The following TMEM230 variants were observed in gnomAD, a reference collection of about 807,000 sequenced individuals.
The protein encoded by TMEM230 is UPF0414 transmembrane protein C20orf30.
TMEM230 carries 10 observed loss-of-function variants against 15.8 expected under a neutral mutation model. The observed-to-expected ratio is 0.63, with a 90% CI of 0.39 to 1.07. The LOEUF is 1.07. TMEM230 is among the 50% of genes least tolerant of loss of function. TMEM230 has a pLI of 0.01. For synonymous variants in TMEM230, 67 were observed against 76.9 expected (o/e 0.87, Z 0.68); for missense variants, 165 against 193.3 (o/e 0.85, Z 0.87).
At chr20:5,081,255 G>A (rs2089164890) in intron 3 of TMEM230, among the ~76,000 whole-genome samples, 1 of 152,206 alleles carries the variant, frequency 6.6e-6, no homozygotes, top group Admixed American at 6.6e-5. Flanking sequence ...CCAAAAAACT[G>A]CTGTAAGTGG....
Position 5,069,350 on chromosome 20 carries a change from C to G in TMEM230, c.223-1G>C. The stretch of plus-strand genomic sequence containing the variant: ...GTTCCCGTGAGGTGGATTCGAGACT[C>G]TGAGAAAGAAACACCCCTTCTCAAT... On this transcript the variant is annotated splice_acceptor_variant, in intron 3 of 3. Transcript: ENST00000612323. LOFTEE classifies it high-confidence loss of function. The G allele has an allele frequency of 6.5e-7, 1 of 1,529,598 alleles. No individual in the cohort carries two copies. Among genetic ancestry groups the G allele is most frequent in the Non-Finnish European group, 8.7e-7 (1 of 1,144,956 alleles). 94.8% of individuals were successfully genotyped at this position (1,529,598 alleles called of 1,614,324 possible).
chr20:5,069,230 C>T (rs1400876629), exon 4 of TMEM230: 13 of 1,535,840 alleles, frequency 8.5e-6, no homozygotes, highest in Middle Eastern at 1.7e-4. Context: ...CTTCTGGAAG[C>T]CTTGAGCTGA....
At chr20:5,090,396 C>A (rs2089473600) in intron 3 of TMEM230, among the ~76,000 whole-genome samples, 1 of 152,104 alleles carries the variant, frequency 6.6e-6, no homozygotes, top group Non-Finnish European at 1.5e-5. Context: ...AAAGGAGGAA[C>A]CAAGAATCAG....
At chr20:5,074,428 A>C (rs1354950759) in intron 3 of TMEM230, among the ~76,000 whole-genome samples, 1 of 151,896 alleles carries the variant, frequency 6.6e-6, no homozygotes, top group Non-Finnish European at 1.5e-5. Flanking sequence ...ACTTTCCCAC[A>C]GTTTACAACC....
At chr20:5,110,103 C>T (rs2122831198) in intron 2 of TMEM230, among the ~76,000 whole-genome samples, 1 of 152,230 alleles carries the variant, frequency 6.6e-6, no homozygotes, top group East Asian at 1.9e-4. Context: ...GTCACACAGG[C>T]TAGAGTGCAG....
chr20:5,063,009 T>C, the TMEM230 span, among the ~76,000 whole-genome samples: 12 of 152,126 alleles, frequency 7.9e-5, no homozygotes, highest in Non-Finnish European at 4.4e-5. Flanking sequence ...ATTGCCTTCA[T>C]AAGTTACGAG....
chr20:5,102,367 T>C (rs999867061), intron 4 of TMEM230, among the ~76,000 whole-genome samples: 7 of 152,068 alleles, frequency 4.6e-5, no homozygotes, highest in African/African-American at 1.7e-4. Context: ...TGGGACTAGA[T>C]GGTTTCGCTG....
rs2090074757 is a variant in TMEM230, at chr20:5,106,103, ACACACACACACACACACG to A, written c.411+67_411+84del. On this transcript the variant is annotated intron_variant, in intron 4 of 4. Transcript: ENST00000342308. ...AACACACACACACACACACACACAC[ACACACACACACACACACG>A]CACACTAGAGCCTTGGCTAACATTT... The A allele has an allele frequency of 3.3e-6, 5 of 1,515,014 alleles. No homozygotes were observed. In the African/African-American group the frequency reaches 5.6e-5, roughly 17 times the overall value. 93.8% of individuals were successfully genotyped at this position (1,515,014 alleles called of 1,614,324 possible). A position where few individuals can be genotyped will look rare whatever the true frequency, so the allele number is the denominator to read the frequency against.
chr20:5,080,889 A>G (rs1190778125), intron 3 of TMEM230, among the ~76,000 whole-genome samples: 2 of 152,334 alleles, frequency 1.3e-5, no homozygotes, highest in East Asian at 3.9e-4. Context: ...ACTCTATACC[A>G]GGTTACACAC....
downstream of TMEM230, among the ~76,000 whole-genome samples, chr20:5,063,883 A>T (rs1218527850): frequency 2.6e-5 from 4 of 152,184 alleles, no homozygotes; most frequent in African/African-American, 9.7e-5. Context: ...GAAATAAAAC[A>T]TAATTAGAGA....
chr20:5,094,434 C>G (rs1042682759), intron 3 of TMEM230, among the ~76,000 whole-genome samples: 2 of 151,522 alleles, frequency 1.3e-5, no homozygotes, highest in South Asian at 4.2e-4. Flanking sequence ...TTTGGCCAGG[C>G]ATGGTGGCTC....
chr20:5,097,207 C>T (rs1248240621), downstream of TMEM230, among the ~76,000 whole-genome samples: 1 of 152,170 alleles, frequency 6.6e-6, no homozygotes, highest in South Asian at 2.1e-4. Flanking sequence ...TTACCCCAGT[C>T]CTATATTTTC....
Position 5,112,971 on chromosome 20 carries a change from C to T in TMEM230, c.58G>A (p.Ala20Thr), listed in dbSNP as rs747480840. The T allele has an allele frequency of 2.6e-6, 4 of 1,550,310 alleles. No individual in the cohort carries two copies. The African/African-American group carries it at 5.5e-5, about 21-fold the overall frequency. ...GCACACACGCCTTACCGGAGCGCCGCGCCAGGCCGCCCGCACACCCAGAGC... is the reference window on the plus strand; with the variant it reads ...GCACACACGCCTTACCGGAGCGCCGTGCCAGGCCGCCCGCACACCCAGAGC... The change falls in exon 1 of 5, where the codon GCG becomes ACG. Residue 20 changes from alanine to threonine, a missense_variant. Transcript: ENST00000342308.
intron 3 of TMEM230, among the ~76,000 whole-genome samples, chr20:5,092,110 T>C (rs1244069372): frequency 6.6e-6 from 1 of 152,230 alleles, no homozygotes; most frequent in African/African-American, 2.4e-5. Context: ...TTTCCTAGAT[T>C]GCAAAGTCGT....
downstream of TMEM230, among the ~76,000 whole-genome samples, chr20:5,066,670 CAAA>C (rs71332869): frequency 5.5e-5 from 5 of 90,774 alleles, no homozygotes; most frequent in African/African-American, 3.8e-5. Flanking sequence ...GACTCTGTCT[CAAA>C]AAAAAAAAAA....
At chr20:5,079,778 A>G (rs1357695234) in intron 3 of TMEM230, among the ~76,000 whole-genome samples, 2 of 152,076 alleles carry the variant, frequency 1.3e-5, no homozygotes, top group Non-Finnish European at 2.9e-5. Flanking sequence ...TTTTTGAGAC[A>G]GGGTCTTGCT....
At chr20:5,065,938 G>A (rs2088647858), downstream of TMEM230, 1 of 152,550 alleles carries the variant, frequency 6.6e-6, no homozygotes, top group Non-Finnish European at 1.5e-5. Context: ...GGGAAGCAGG[G>A]GCTGATGTGA....
chr20:5,094,813 C>T (rs1413013472), intron 3 of TMEM230, among the ~76,000 whole-genome samples: 1 of 151,528 alleles, frequency 6.6e-6, no homozygotes. Context: ...GTTAGGACTA[C>T]AGTTGCTCGC....
chr20:5,071,923 G>C (rs911225913), intron 3 of TMEM230, among the ~76,000 whole-genome samples: 1 of 152,066 alleles, frequency 6.6e-6, no homozygotes, highest in African/African-American at 2.4e-5. Context: ...GCTAATTTTT[G>C]TATTTTTAGT....
Sources: gnomAD v4.1 joint callset for allele counts (sites outside exome capture counted in the v4.1 genomes callset) on GRCh38, gnomAD v4.1.1 for gene constraint, MANE v1.5 for transcripts, NCBI Gene and HGNC (gene_info 2026-07-23, HGNC 2026-07-21) for gene names.